The following PHKA2 variants were observed in gnomAD, a reference collection of about 807,000 sequenced individuals.
PHKA2 encodes phosphorylase b kinase regulatory subunit alpha, liver isoform.
In PHKA2, 31 loss-of-function variants were observed where a neutral mutation model predicts 102.0. The observed-to-expected ratio is 0.30, with a 90% CI of 0.23 to 0.41. The LOEUF is 0.41. PHKA2 is among the 10% of genes least tolerant of loss of function. PHKA2 has a pLI of 1.00. For missense variants in PHKA2, 858 were observed against 1,023.1 expected (o/e 0.84, Z 2.20); for synonymous variants, 455 against 416.2 (o/e 1.09, Z -1.13).
At chrX:18,900,200 G>A (rs1410935139) in intron 28 of PHKA2, among the ~76,000 whole-genome samples, 2 of 111,291 alleles carry the variant, frequency 1.8e-5, no homozygotes, top group African/African-American at 6.5e-5. Context: ...TTAGAAATGC[G>A]ACTCCAGTGT....
At chrX:18,900,538 C>T (rs765490734) in intron 28 of PHKA2, 132 bp downstream of exon 28, 51 of 588,322 alleles carry the variant, frequency 8.7e-5, no homozygotes, top group Admixed American at 2.6e-4. Flanking sequence ...TGCTCTCTGC[C>T]TGTGCCCCAG....
chrX:18,902,269 A>G (rs1350870834), intron 26 of PHKA2, among the ~76,000 whole-genome samples: 1 of 109,229 alleles, frequency 9.2e-6, no homozygotes, highest in Non-Finnish European at 1.9e-5. Flanking sequence ...CCAAGTAGCT[A>G]GGACCACAGG....
At chrX:18,960,989 G>A (rs1331463091) in intron 1 of PHKA2, among the ~76,000 whole-genome samples, 1 of 112,069 alleles carries the variant, frequency 8.9e-6, no homozygotes, top group Non-Finnish European at 1.9e-5. Context: ...GGGACAAGTG[G>A]ACATACACAT....
rs1556007472 is a variant in PHKA2, at chrX:18,936,138, G to A, written c.1054C>T (p.Arg352Ter). The A allele has an allele frequency of 1.7e-6, 2 of 1,192,734 alleles. No individual in the cohort carries two copies. Among genetic ancestry groups the A allele is most frequent in the Non-Finnish European group, 2.3e-6 (2 of 879,706 alleles). Residue 352 changes from arginine to a stop codon, truncating the protein, a stop_gained, in exon 11 of 33, where the codon CGA becomes TGA. Transcript: ENST00000379942. LOFTEE classifies it high-confidence loss of function. ...SGDAVQVQEY[R>*]EALEGILIRG... Reference sequence around the variant, plus strand: ...ATGAGTATTCCCTCCAGGGCCTCTCGGTATTCTTGGACCTGGAAAACAGCC... The same window carrying A: ...ATGAGTATTCCCTCCAGGGCCTCTCAGTATTCTTGGACCTGGAAAACAGCC...
intron 1 of PHKA2, among the ~76,000 whole-genome samples, chrX:18,955,326 A>G (rs1361207096): frequency 9.1e-6 from 1 of 110,011 alleles, no homozygotes; most frequent in Non-Finnish European, 1.9e-5. Flanking sequence ...TTAGTGGTTG[A>G]CTGGGCTGGG....
At position 18,899,342 on chromosome X, in the gene PHKA2, G is replaced by A. The variant is rs1398499974; in HGVS notation, c.3058-116C>T. On this transcript the variant is annotated intron_variant, in intron 28 of 32. Transcript: ENST00000379942. ...CACAGAAAGCAGCAGCAGAGAATGC[G>A]GGCGCAGAGAAGGTGCCACAGCAAC... 7 of 637,225 alleles carry A rather than the reference G, an allele frequency of 1.1e-5. No individual in the cohort carries two copies. The South Asian group carries it at 1.2e-4, about 11-fold the overall frequency. 52.5% of individuals were successfully genotyped at this position (637,225 alleles called of 1,213,427 possible).
chrX:18,932,164 G>A (rs1435197002), intron 11 of PHKA2, among the ~76,000 whole-genome samples: 3 of 112,082 alleles, frequency 2.7e-5, no homozygotes, highest in South Asian at 7.4e-4. Flanking sequence ...TAAACTGTGC[G>A]CCTAATGCAA....
intron 11 of PHKA2, among the ~76,000 whole-genome samples, chrX:18,935,204 A>G: frequency 8.9e-6 from 1 of 112,342 alleles, no homozygotes; most frequent in Middle Eastern, 4.6e-3. Flanking sequence ...AGATATTGAC[A>G]GACAAATCTT....
intron 26 of PHKA2, among the ~76,000 whole-genome samples, chrX:18,901,865 C>T (rs184465208): frequency 4.6e-5 from 5 of 109,484 alleles, no homozygotes; most frequent in East Asian, 2.9e-4. Context: ...TTTTCCGAGA[C>T]GGAGTCTCAC....
chrX:18,932,032 A>G (rs2048324486), intron 11 of PHKA2, among the ~76,000 whole-genome samples: 1 of 112,481 alleles, frequency 8.9e-6, no homozygotes, highest in Non-Finnish European at 1.9e-5. Flanking sequence ...CTTTGCGCAC[A>G]GCTCTGGCCA....
intron 15 of PHKA2, among the ~76,000 whole-genome samples, chrX:18,924,795 C>T (rs767102952): frequency 1.8e-5 from 2 of 111,894 alleles, no homozygotes; most frequent in Non-Finnish European, 3.8e-5. Context: ...GCATCTTGCC[C>T]AACACTGCTG....
At position 18,910,954 on chromosome X, in the gene PHKA2, G is replaced by A; in HGVS notation, c.2144C>T (p.Pro715Leu). 8.6e-7 allele frequency: 1 copy of A among 1,157,896 alleles called. No homozygotes were observed. The highest frequency in any genetic ancestry group is 1.2e-6 in the Non-Finnish European group (1 of 851,129). The stretch of plus-strand genomic sequence containing the variant: ...TAGAACTTTAGTCGGCAAAGTCATG[G>A]GAACAACTGGAAAACAAAAGAATAA... ...KAKGLEVPFV[P>L]MTLPTKVLSA... The change falls in exon 20 of 33, where the codon CCC (proline) becomes CTC (leucine). Residue 715 changes from proline to leucine, a missense_variant. Around this residue, in one of 2 missense-constraint regions of PHKA2, gnomAD observed 671 missense variants for 745.2 expected, o/e 0.90. Coordinates refer to ENST00000379942, the MANE Select transcript of PHKA2 (RefSeq NM_000292.3).
chrX:18,918,626 C>T (rs901825620), intron 19 of PHKA2, 55 bp downstream of exon 19: 25 of 1,074,747 alleles, frequency 2.3e-5, no homozygotes, highest in Non-Finnish European at 3.2e-5. Context: ...TATGTCCCTG[C>T]ATTACTTTGA....
intron 1 of PHKA2, among the ~76,000 whole-genome samples, chrX:18,970,116 G>A (rs906446092): frequency 9.0e-6 from 1 of 111,072 alleles, no homozygotes; most frequent in African/African-American, 3.3e-5. Context: ...GCATGTGCCT[G>A]TAGTCCCAGC....
intron 20 of PHKA2, among the ~76,000 whole-genome samples, 185 bp from the exon 21 acceptor site, chrX:18,909,119 G>C (rs1041038303): frequency 5.3e-5 from 6 of 112,353 alleles, no homozygotes; most frequent in African/African-American, 1.6e-4. Flanking sequence ...CACTGTGCTG[G>C]TCAACATTTG....
At chrX:18,902,608 A>C (rs1221658895) in intron 26 of PHKA2, among the ~76,000 whole-genome samples, 4 of 109,281 alleles carry the variant, frequency 3.7e-5, no homozygotes, top group Non-Finnish European at 7.6e-5. Context: ...CTAAAAAAAC[A>C]AAATTAGCTG....
At chrX:18,953,348 T>C (rs1301193707) in intron 2 of PHKA2, among the ~76,000 whole-genome samples, 1 of 112,052 alleles carries the variant, frequency 8.9e-6, no homozygotes, top group African/African-American at 3.3e-5. Flanking sequence ...TTGTCCTGTA[T>C]GGTGAATAAT....
At position 18,966,225 on chromosome X, in the gene PHKA2, T is replaced by C. The variant is rs139467055; in HGVS notation, c.79-11813A>G. 6.7e-3 allele frequency among the ~76,000 whole-genome samples: 736 copies of C among 109,176 alleles called. 1 individual carries two copies. Among genetic ancestry groups the C allele is most frequent in the South Asian group, 0.015 (37 of 2,445 alleles). 94.8% of individuals were successfully genotyped at this position (109,176 alleles called of 115,157 possible). ...GCCTCAGCCTCCAGAGTAGCTGGGA[T>C]TACAGGTGTGCGACACCACACTCGG... On this transcript the variant is annotated intron_variant, in intron 1 of 32. Transcript: ENST00000379942.
rs1254296425 is a variant in PHKA2 at position 18,907,025 on chromosome X, T to C, written c.2590A>G (p.Ile864Val). ...CCAAGGCTGAGGACTTACGCAGAGATGATCTTCTCCCGGGGCTCGGGCGGC... is the reference window on the plus strand; with the variant it reads ...CCAAGGCTGAGGACTTACGCAGAGACGATCTTCTCCCGGGGCTCGGGCGGC... ...GLPPEPREKI[I>V]SAPLPPEELT... is the part of the protein sequence containing the mutation. Residue 864 changes from isoleucine to valine, a missense_variant, in exon 23 of 33, where the codon ATC (isoleucine) becomes GTC (valine). Coordinates refer to ENST00000379942, the MANE Select transcript of PHKA2 (RefSeq NM_000292.3). 2 of 1,196,482 alleles carry C rather than the reference T, an allele frequency of 1.7e-6. No homozygotes were observed. The highest frequency in any genetic ancestry group is 4.5e-5 in the Admixed American group (2 of 44,034).
Sources: gnomAD v4.1 joint callset for allele counts (sites outside exome capture counted in the v4.1 genomes callset) on GRCh38, gnomAD v4.1.1 for gene constraint, gnomAD v4.1.1 regional missense constraint, MANE v1.5 for transcripts, NCBI Gene and HGNC (gene_info 2026-07-23, HGNC 2026-07-21) for gene names.